ADGRF5: variants seen among roughly 807,000 people sequenced by gnomAD.
The protein encoded by ADGRF5 is adhesion G protein-coupled receptor F5.
A neutral mutation model predicts 132.3 loss-of-function variants in ADGRF5; 75 were observed. That is an observed-to-expected ratio of 0.57 (90% confidence interval 0.47 to 0.69). The LOEUF (loss-of-function observed/expected upper bound fraction) is 0.69. ADGRF5 is among the 30% of genes least tolerant of loss of function. The pLI is 0.00. For missense variants in ADGRF5, 1,516 were observed against 1,630.6 expected, an observed-to-expected ratio of 0.93 and a Z score of 1.21; for synonymous variants, 629 against 597.6, an observed-to-expected ratio of 1.05 and a Z score of -0.77.
At chr6:46,854,546 A>G (rs1484632170) in intron 20 of ADGRF5, among the ~76,000 whole-genome samples, 2 of 152,202 alleles carry the variant, frequency 1.3e-5, no homozygotes, top group Non-Finnish European at 2.9e-5. Context: ...CAGGACCAGA[A>G]AAGAAGCAGG....
chr6:46,952,297 G>A (rs115522184), intron 1 of ADGRF5, among the ~76,000 whole-genome samples: 2 of 152,198 alleles, frequency 1.3e-5, no homozygotes, highest in Non-Finnish European at 2.9e-5. Context: ...ATGAAAGAGA[G>A]GTAGCATAGA....
At chr6:46,891,948 C>T (rs1310602333) in intron 3 of ADGRF5, among the ~76,000 whole-genome samples, 1 of 152,164 alleles carries the variant, frequency 6.6e-6, no homozygotes, top group Admixed American at 6.5e-5. Context: ...CACCCTCAGC[C>T]TGAGCGTCAC....
intron 1 of ADGRF5, among the ~76,000 whole-genome samples, chr6:46,929,669 ATGAAACTTGTGTTAAACT>A: frequency 6.6e-6 from 1 of 152,084 alleles, no homozygotes; most frequent in South Asian, 2.1e-4. Flanking sequence ...AAGAGGCAAT[ATGAAACTTGTGTTAAACT>A]TGTTTAACGA....
chr6:46,855,283 G>A (rs1308255959), intron 20 of ADGRF5, among the ~76,000 whole-genome samples: 2 of 152,068 alleles, frequency 1.3e-5, no homozygotes, highest in South Asian at 2.1e-4. Flanking sequence ...TACCACTATC[G>A]GCGTCATCAC....
rs1491314702 is a variant in ADGRF5, at chr6:46,937,251, T to TGTGTGTGTGTGA, written c.-25+17482_-25+17483insTCACACACACAC. On this transcript the variant is annotated intron_variant, in intron 1 of 20. Coordinates refer to the ADGRF5 transcript ENST00000265417. ...GTGTGTGTGTGTGTGTGTGTGTGTG[T>TGTGTGTGTGTGA]GAGTGTGTGTGTGTTGATGGGGTGG... Among the ~76,000 whole-genome samples the TGTGTGTGTGTGA allele has an allele frequency of 7.5e-5, 11 of 146,284 alleles. 1 individual carries two copies. Among genetic ancestry groups the TGTGTGTGTGTGA allele is most frequent in the Non-Finnish European group, 1.5e-4 (10 of 65,368 alleles).
intron 8 of ADGRF5, 52 bp downstream of exon 8, chr6:46,881,403 G>C: frequency 6.7e-7 from 1 of 1,498,186 alleles, no homozygotes; most frequent in Non-Finnish European, 9.3e-7. Context: ...TAATTTCCTA[G>C]GTTTACGCAT....
intron 3 of ADGRF5, among the ~76,000 whole-genome samples, chr6:46,895,978 T>C (rs188397228): frequency 1.3e-5 from 2 of 152,212 alleles, no homozygotes; most frequent in East Asian, 3.9e-4. Flanking sequence ...ATTGCTGTCC[T>C]TCATCCCCAA....
chr6:46,863,122 G>A (rs1429920218), intron 14 of ADGRF5, 26 bp from the exon 15 acceptor site: 3 of 1,531,246 alleles, frequency 2.0e-6, no homozygotes. Flanking sequence ...TGAAATAAAG[G>A]GATAATTGCA....
At chr6:46,906,532 A>C (rs989805666) in intron 2 of ADGRF5, 129 bp downstream of exon 2, 4 of 643,688 alleles carry the variant, frequency 6.2e-6, no homozygotes, top group East Asian at 5.2e-5. Flanking sequence ...CTTATGTTGC[A>C]ACTATGGGAA....
chr6:46,929,317 G>A (rs1048629172), intron 1 of ADGRF5, among the ~76,000 whole-genome samples: 9 of 151,760 alleles, frequency 5.9e-5, no homozygotes, highest in African/African-American at 2.2e-4. Context: ...ACAGGAAGGG[G>A]AACATCACAC....
chr6:46,928,177 C>T (rs934518038), intron 1 of ADGRF5, among the ~76,000 whole-genome samples: 5 of 152,110 alleles, frequency 3.3e-5, no homozygotes, highest in African/African-American at 9.7e-5. Flanking sequence ...GATAAAATTG[C>T]TTTTCTCCAG....
chr6:46,930,497 AG>A (rs1777504146), intron 1 of ADGRF5, among the ~76,000 whole-genome samples: 1 of 152,026 alleles, frequency 6.6e-6, no homozygotes, highest in South Asian at 2.1e-4. Context: ...TAGAGATAAC[AG>A]GAGGACAATG....
At chr6:46,938,876 ATTT>A (rs34685701) in intron 1 of ADGRF5, among the ~76,000 whole-genome samples, 71,634 of 147,448 alleles carry the variant, frequency 0.49, 17,520 homozygotes, top group East Asian at 0.55. Flanking sequence ...TACTTTTCTG[ATTT>A]TTTTTTTTTT....
intron 1 of ADGRF5, among the ~76,000 whole-genome samples, chr6:46,954,168 C>T (rs1344509118): frequency 6.6e-6 from 1 of 151,890 alleles, no homozygotes; most frequent in African/African-American, 2.4e-5. Flanking sequence ...TTTCAGGAAA[C>T]CTCGGGAATA....
At chr6:46,855,910 G>T in intron 20 of ADGRF5, 64 bp downstream of exon 20, 2 of 921,884 alleles carry the variant, frequency 2.2e-6, no homozygotes, top group South Asian at 2.7e-5. Flanking sequence ...TAGGGGTGTT[G>T]AGGCTCCCCA....
Position 46,853,860 on chromosome 6 carries a change from T to G in ADGRF5, c.*132A>C. 1 of 642,128 alleles carries G rather than the reference T, an allele frequency of 1.6e-6. No individual in the cohort carries two copies. The highest frequency in any genetic ancestry group is 2.8e-6 in the Non-Finnish European group (1 of 361,366). 39.8% of individuals were successfully genotyped at this position (642,128 alleles called of 1,614,324 possible). A position where few individuals can be genotyped will look rare whatever the true frequency, so the allele number is the denominator to read the frequency against. ...TTTACAAAAGAAAGCCTCTTCTCTA[T>G]GAAAAAGTCTTTTTGGCATCTGCTC... On this transcript the variant is annotated 3_prime_UTR_variant, in exon 21 of 21. Transcript: ENST00000283296.
At chr6:46,886,399 A>T (rs552196664) in intron 4 of ADGRF5, among the ~76,000 whole-genome samples, 1 of 152,260 alleles carries the variant, frequency 6.6e-6, no homozygotes, top group South Asian at 2.1e-4. Flanking sequence ...ACTTGTTGAA[A>T]TCTCTCTTAC....
intron 1 of ADGRF5, among the ~76,000 whole-genome samples, chr6:46,913,324 C>A (rs1310959876): frequency 6.6e-6 from 1 of 152,106 alleles, no homozygotes; most frequent in East Asian, 1.9e-4. Flanking sequence ...CATAGTGAAA[C>A]CCTGTCTCTA....
chr6:46,916,403 C>T (rs1163646284), intron 1 of ADGRF5, among the ~76,000 whole-genome samples: 2 of 152,214 alleles, frequency 1.3e-5, no homozygotes, highest in Non-Finnish European at 2.9e-5. Flanking sequence ...CCTAGGCTCA[C>T]AGCTTCACAG....
Sources: gnomAD v4.1 joint callset for allele counts (sites outside exome capture counted in the v4.1 genomes callset) on GRCh38, gnomAD v4.1.1 for gene constraint, MANE v1.5 for transcripts, NCBI Gene and HGNC (gene_info 2026-07-23, HGNC 2026-07-21) for gene names.